LMAN1: variants seen among roughly 807,000 people sequenced by gnomAD.
LMAN1 encodes protein ERGIC-53.
A neutral mutation model predicts 67.8 loss-of-function variants in LMAN1; 32 were observed. The observed-to-expected ratio is 0.47, with a 90% CI of 0.36 to 0.63. The LOEUF is 0.63. Ranked by LOEUF, LMAN1 falls within the 30% of genes least tolerant of loss-of-function variation. LMAN1 has a pLI of 0.00. For synonymous variants in LMAN1, 235 were observed against 219.3 expected (o/e 1.07, Z -0.63); for missense variants, 632 against 628.2 (o/e 1.01, Z -0.06).
chr18:59,352,433 T>G (rs1239373093), intron 5 of LMAN1, among the ~76,000 whole-genome samples: 3 of 152,236 alleles, frequency 2.0e-5, no homozygotes, highest in Non-Finnish European at 4.4e-5. Context: ...TAAAACCCTT[T>G]AAACATTTTT....
At chr18:59,335,558 A>G (rs1428298786) in intron 10 of LMAN1, among the ~76,000 whole-genome samples, 2 of 152,212 alleles carry the variant, frequency 1.3e-5, no homozygotes, top group Non-Finnish European at 2.9e-5. Flanking sequence ...AAACAGCTGG[A>G]AAGAAGGGGA....
At chr18:59,357,851 G>A (rs754646337) in intron 1 of LMAN1, among the ~76,000 whole-genome samples, 3 of 151,000 alleles carry the variant, frequency 2.0e-5, no homozygotes, top group Non-Finnish European at 4.4e-5. Flanking sequence ...GATAGCATTA[G>A]GAGATATACC....
At chr18:59,352,923 C>A in intron 5 of LMAN1, 1 of 376,798 alleles carries the variant, frequency 2.7e-6, no homozygotes, top group South Asian at 2.3e-5. Flanking sequence ...ATCTATCTAC[C>A]TATCTATCTA....
intron 1 of LMAN1, among the ~76,000 whole-genome samples, chr18:59,358,781 G>T (rs1420288235): frequency 6.6e-6 from 1 of 152,172 alleles, no homozygotes. Context: ...CGAGATCAAA[G>T]AAGGGAAGAC....
chr18:59,353,839 T>A (rs1343576312), intron 4 of LMAN1, among the ~76,000 whole-genome samples: 2 of 152,200 alleles, frequency 1.3e-5, no homozygotes, highest in African/African-American at 4.8e-5. Flanking sequence ...GTCCCTTATA[T>A]AAAATGGCAC....
intron 12 of LMAN1, 23 bp from the exon 13 acceptor site, chr18:59,331,152 AC>A: frequency 1.2e-6 from 2 of 1,604,226 alleles, no homozygotes; most frequent in Non-Finnish European, 1.7e-6. Context: ...AGAAACAAAC[AC>A]TTAAAGAAGT....
intron 8 of LMAN1, among the ~76,000 whole-genome samples, chr18:59,339,403 C>T (rs912271485): frequency 6.6e-6 from 1 of 152,126 alleles, no homozygotes; most frequent in Admixed American, 6.5e-5. Flanking sequence ...CAGCCAGGAG[C>T]TGACTGAGCA....
chr18:59,346,077 T>A (rs1472351687), intron 7 of LMAN1, 26 bp from the exon 8 acceptor site: 1 of 1,567,546 alleles, frequency 6.4e-7, no homozygotes, highest in Non-Finnish European at 8.7e-7. Flanking sequence ...TTGGAATAGA[T>A]CATTAAAAAG....
intron 10 of LMAN1, among the ~76,000 whole-genome samples, chr18:59,333,913 G>A (rs528806846): frequency 6.6e-6 from 1 of 151,394 alleles, no homozygotes; most frequent in Non-Finnish European, 1.5e-5. Flanking sequence ...AGAATGTTAA[G>A]TATAACATTT....
chr18:59,332,896 T>TA (rs2070756475), intron 11 of LMAN1, among the ~76,000 whole-genome samples, 195 bp downstream of exon 11: 1 of 152,166 alleles, frequency 6.6e-6, no homozygotes, highest in African/African-American at 2.4e-5. Context: ...CCATGACTGC[T>TA]ATGGGAACTG....
intron 12 of LMAN1, 69 bp from the exon 13 acceptor site, chr18:59,331,198 T>C: frequency 1.5e-6 from 2 of 1,349,190 alleles, no homozygotes; most frequent in Non-Finnish European, 2.1e-6. Context: ...AACAGGACTA[T>C]TTAAAATTAA....
chr18:59,358,884 G>T, intron 1 of LMAN1, 147 bp downstream of exon 1: 1 of 792,948 alleles, frequency 1.3e-6, no homozygotes, highest in Non-Finnish European at 2.1e-6. Context: ...CGGCGGAGGG[G>T]CTGCCAGGAG....
intron 10 of LMAN1, among the ~76,000 whole-genome samples, chr18:59,337,659 TA>T (rs896392524): frequency 1.1e-4 from 16 of 152,244 alleles, no homozygotes; most frequent in Admixed American, 9.8e-4. Flanking sequence ...TTAACTAAAC[TA>T]TTTGAAGAGC....
At chr18:59,337,786 C>T (rs184109367) in intron 10 of LMAN1, among the ~76,000 whole-genome samples, 17 of 152,218 alleles carry the variant, frequency 1.1e-4, no homozygotes, top group Admixed American at 6.5e-4. Flanking sequence ...AAGTTAAGTG[C>T]CTTTAATCTC....
chr18:59,346,295 A>ACTG (rs925480757), intron 7 of LMAN1, among the ~76,000 whole-genome samples: 16 of 134,682 alleles, frequency 1.2e-4, no homozygotes, highest in African/African-American at 4.3e-4. Context: ...ATCTCGGCTC[A>ACTG]CTGCAACCTC....
At chr18:59,351,459 T>A (rs1210611226) in intron 5 of LMAN1, 2 of 152,208 alleles carry the variant, frequency 1.3e-5, no homozygotes, top group African/African-American at 4.8e-5. Flanking sequence ...AGCAGTCACG[T>A]GTCCAGCCAG....
chr18:59,336,515 T>A (rs1046686716), intron 10 of LMAN1, among the ~76,000 whole-genome samples: 1 of 151,966 alleles, frequency 6.6e-6, no homozygotes, highest in African/African-American at 2.4e-5. Flanking sequence ...ACTAAATAAA[T>A]AAATGGGAGA....
At chr18:59,358,905 A>G in intron 1 of LMAN1, 126 bp downstream of exon 1, 2 of 973,008 alleles carry the variant, frequency 2.1e-6, no homozygotes, top group Middle Eastern at 3.1e-4. Context: ...GGTCCCCTCC[A>G]CAGCGCATAT....
At chr18:59,342,937 A>C (rs1198387259) in intron 8 of LMAN1, among the ~76,000 whole-genome samples, 1 of 152,104 alleles carries the variant, frequency 6.6e-6, no homozygotes. Context: ...TAGATTTGAT[A>C]AATGAATTCA....
Sources: gnomAD v4.1 joint callset for allele counts (sites outside exome capture counted in the v4.1 genomes callset) on GRCh38, gnomAD v4.1.1 for gene constraint, MANE v1.5 for transcripts, NCBI Gene and HGNC (gene_info 2026-07-23, HGNC 2026-07-21) for gene names.